ZBTB24: variants seen among roughly 807,000 people sequenced by gnomAD.
ZBTB24 encodes zinc finger and BTB domain containing 24, also known as zinc finger and BTB domain-containing protein 24.
In ZBTB24, 32 loss-of-function variants were observed where a neutral mutation model predicts 53.8. The observed-to-expected ratio is 0.60, with a 90% confidence interval of 0.45 to 0.80. The LOEUF is 0.80. ZBTB24 is among the 30% of genes least tolerant of loss of function. The pLI is 0.00. For missense variants in ZBTB24, 722 were observed against 837.1 expected, an observed-to-expected ratio of 0.86 and a Z score of 1.70; for synonymous variants, 297 against 306.7, an observed-to-expected ratio of 0.97 and a Z score of 0.33.
intron 2 of ZBTB24, among the ~76,000 whole-genome samples, chr6:109,477,580 A>G (rs6905490): frequency 0.085 from 12,992 of 152,200 alleles, 1,197 homozygotes; most frequent in African/African-American, 0.23. Context: ...CCCTGATCAA[A>G]TCTTCCACTC....
intron 5 of ZBTB24, among the ~76,000 whole-genome samples, chr6:109,471,328 G>A (rs1227510207): frequency 3.3e-5 from 5 of 152,148 alleles, no homozygotes; most frequent in Non-Finnish European, 1.5e-5. Context: ...TAGATGGCAC[G>A]TAGACTCTGT....
Position 109,481,387 on chromosome 6 carries a change from T to C in ZBTB24, c.640A>G (p.Lys214Glu). 1 of 1,614,222 alleles carries C rather than the reference T, an allele frequency of 6.2e-7. No homozygotes were observed. Among genetic ancestry groups the C allele is most frequent in the Middle Eastern group, 1.6e-4 (1 of 6,062 alleles). Residue 214 changes from lysine to glutamate, a missense_variant, in exon 2 of 7, where the codon AAA becomes GAA. Coordinates refer to ENST00000230122, the MANE Select transcript of ZBTB24 (RefSeq NM_014797.3). ...GTAGGCTCCGATTCTTCCTTTTCTT[T>C]TGCTGCAATTTGCTCATTCAGTACA... ...SGVLNEQIAA[K>E]EKEESEPTCE...
chr6:109,465,706 C>T lies in ZBTB24; in HGVS notation c.*145G>A, dbSNP rs1381224985. The T allele has an allele frequency of 1.2e-6, 2 of 1,605,078 alleles. No individual in the cohort carries two copies. The highest frequency in any genetic ancestry group is 2.7e-5 in the African/African-American group (2 of 74,916). On this transcript the variant is annotated 3_prime_UTR_variant, in exon 7 of 7. Transcript: ENST00000230122. ...CACATCTTGCTACCTGGATGGAGGG[C>T]ATTATAAACATCAGTTAGCCATCAC...
rs1775963956 is a variant in ZBTB24, at chr6:109,463,735, T to C, written c.*2116A>G. ...CACACCAGATTTCGAAAGCTTAGTA[T>C]GAAAAAGAGAATGTAAAATGTCTCA... is the stretch of plus-strand genomic sequence containing the variant. On this transcript the variant is annotated 3_prime_UTR_variant, in exon 7 of 7. Transcript: ENST00000230122. The C allele has an allele frequency of 6.6e-6, 1 of 152,224 alleles. No individual in the cohort carries two copies. The highest frequency in any genetic ancestry group is 6.5e-5 in the Admixed American group (1 of 15,278). The allele number at this position is 152,224 out of a possible 1,614,324, so 9.4% of individuals were successfully genotyped here.
At chr6:109,471,600 G>T (rs1036828736) in intron 5 of ZBTB24, among the ~76,000 whole-genome samples, 3 of 152,152 alleles carry the variant, frequency 2.0e-5, no homozygotes, top group Admixed American at 2.0e-4. Flanking sequence ...ACACTGGCGG[G>T]GTGGGACTGT....
chr6:109,476,143 C>T (rs980138078), intron 4 of ZBTB24, 32 bp downstream of exon 4: 2 of 1,605,804 alleles, frequency 1.2e-6, no homozygotes, highest in Non-Finnish European at 1.7e-6. Flanking sequence ...CATTTCTTCC[C>T]CCCCAATCTA....
chr6:109,467,781 T>C (rs371953622), intron 5 of ZBTB24, 47 bp from the exon 6 acceptor site: 28 of 1,590,878 alleles, frequency 1.8e-5, no homozygotes, highest in Non-Finnish European at 2.4e-5. Context: ...CAAAAAAACA[T>C]TTAACAATAT....
chr6:109,481,821 T>G lies in ZBTB24; in HGVS notation c.206A>C (p.Glu69Ala). The G allele has an allele frequency of 6.2e-7, 1 of 1,614,222 alleles. No homozygotes were observed. The change falls in exon 2 of 7, where the codon GAG becomes GCG. Residue 69 changes from glutamate to alanine, a missense_variant. Transcript: ENST00000230122. Reference sequence around the variant, plus strand: ...ATAAATGGATTGGCCGATTTCCCCCTCTTCTGCAAACATCATTGAGAAGTA... The same window carrying G: ...ATAAATGGATTGGCCGATTTCCCCCGCTTCTGCAAACATCATTGAGAAGTA... ...SEYFSMMFAE[E>A]GEIGQSIYML...
At position 109,465,591 on chromosome 6, in the gene ZBTB24, A is replaced by C. The variant is rs1047864177; in HGVS notation, c.*260T>G. Reference sequence around the variant, plus strand: ...AATGCCCCCAAAGAAAAACTACCCGAGTCTTTATGAGACATTGCAGATTAA... The same window carrying C: ...AATGCCCCCAAAGAAAAACTACCCGCGTCTTTATGAGACATTGCAGATTAA... On this transcript the variant is annotated 3_prime_UTR_variant, in exon 7 of 7. Coordinates refer to ENST00000230122, the MANE Select transcript of ZBTB24 (RefSeq NM_014797.3). 2 of 1,475,606 alleles carry C rather than the reference A, an allele frequency of 1.4e-6. No individual in the cohort carries two copies. The highest frequency in any genetic ancestry group is 1.8e-6 in the Non-Finnish European group (2 of 1,097,408). The allele number at this position is 1,475,606 out of a possible 1,614,324, so 91.4% of individuals were successfully genotyped here.
intron 2 of ZBTB24, 116 bp downstream of exon 2, chr6:109,480,959 A>G: frequency 3.3e-6 from 5 of 1,532,636 alleles, no homozygotes; most frequent in Non-Finnish European, 4.4e-6. Context: ...TAACATGTAT[A>G]AAGGCTTTAT....
At chr6:109,467,148 A>G (rs1417759730) in intron 6 of ZBTB24, among the ~76,000 whole-genome samples, 3 of 152,254 alleles carry the variant, frequency 2.0e-5, no homozygotes, top group African/African-American at 4.8e-5. Flanking sequence ...AATTTAATAA[A>G]TGAAATCAGT....
intron 2 of ZBTB24, among the ~76,000 whole-genome samples, chr6:109,480,513 T>C (rs920671467): frequency 6.6e-6 from 1 of 152,166 alleles, no homozygotes; most frequent in Non-Finnish European, 1.5e-5. Flanking sequence ...ATTTCCATCA[T>C]CACAGAAGGG....
Position 109,481,197 on chromosome 6 carries a change from C to T in ZBTB24, c.830G>A (p.Gly277Asp). 6.2e-7 allele frequency: 1 copy of T among 1,614,212 alleles called. No homozygotes were observed. Among genetic ancestry groups the T allele is most frequent in the Non-Finnish European group, 8.5e-7 (1 of 1,180,034 alleles). ...YKLVGDQEDHGSAKRICGRRK... is the reference protein window; with the variant it reads ...YKLVGDQEDHDSAKRICGRRK... ...CCTTCCACAGATCCTCTTGGCTGAA[C>T]CATGGTCCTCTTGATCCCCAACAAG... The change falls in exon 2 of 7, where the codon GGT (glycine) becomes GAT (aspartate). Residue 277 changes from glycine (G) to aspartate (D), a missense_variant. Gly to Asp is a moderately conservative substitution (Grantham distance 94). Coordinates refer to ENST00000230122, the MANE Select transcript of ZBTB24 (RefSeq NM_014797.3).
chr6:109,479,320 A>G (rs1582681187), intron 2 of ZBTB24, among the ~76,000 whole-genome samples: 1 of 152,374 alleles, frequency 6.6e-6, no homozygotes, highest in East Asian at 1.9e-4. Flanking sequence ...ATGCACTTAT[A>G]CAGAGTACTG....
intron 6 of ZBTB24, among the ~76,000 whole-genome samples, chr6:109,467,389 G>C (rs1776068893): frequency 6.6e-6 from 1 of 152,088 alleles, no homozygotes. Context: ...GCTGGGTGTG[G>C]TATCCCAGTT....
At chr6:109,479,174 C>T (rs767448538) in intron 2 of ZBTB24, among the ~76,000 whole-genome samples, 3 of 152,212 alleles carry the variant, frequency 2.0e-5, no homozygotes, top group Non-Finnish European at 4.4e-5. Context: ...ATGAATCTAC[C>T]TGTTATCTAC....
intron 2 of ZBTB24, among the ~76,000 whole-genome samples, chr6:109,478,674 C>G (rs1360422402): frequency 6.6e-6 from 1 of 152,042 alleles, no homozygotes; most frequent in Non-Finnish European, 1.5e-5. Context: ...GCACTCCAGC[C>G]TGGGCAACAG....
In ZBTB24 at chr6:109,481,964, G is replaced by C. The variant is rs1294683439; in HGVS notation, c.63C>G (p.Asp21Glu). ...GATCCTCAAAACTGGCCAGCACAGTGTCACTGTGAGCGTCTGAGTGTACAA... is the reference window on the plus strand; with the variant it reads ...GATCCTCAAAACTGGCCAGCACAGTCTCACTGTGAGCGTCTGAGTGTACAA... ...QLVVHSDAHS[D>E]TVLASFEDQR... Residue 21 changes from aspartate to glutamate, a missense_variant, in exon 2 of 7, where the codon GAC (aspartate) becomes GAG (glutamate). By Grantham distance (45) the Asp-to-Glu change is conservative (BLOSUM62 2). Transcript: ENST00000230122. The C allele has an allele frequency of 6.2e-7, 1 of 1,614,246 alleles. No homozygotes were observed. Among genetic ancestry groups the C allele is most frequent in the South Asian group, 1.1e-5 (1 of 91,086 alleles).
chr6:109,480,070 G>C (rs1477244537), intron 2 of ZBTB24, among the ~76,000 whole-genome samples: 1 of 152,054 alleles, frequency 6.6e-6, no homozygotes, highest in African/African-American at 2.4e-5. Context: ...AAGCACCAAG[G>C]CTCCAGACAA....
Sources: gnomAD v4.1 joint callset for allele counts (sites outside exome capture counted in the v4.1 genomes callset) on GRCh38, gnomAD v4.1.1 for gene constraint, MANE v1.5 for transcripts, NCBI Gene and HGNC (gene_info 2026-07-23, HGNC 2026-07-21) for gene names.